The following DNAH17 variants were observed in gnomAD, a reference collection of about 807,000 sequenced individuals.
DNAH17 encodes the protein dynein axonemal heavy chain 17.
DNAH17 carries 376 observed loss-of-function variants against 485.6 expected under a neutral mutation model. The observed-to-expected ratio is 0.77, with a 90% CI of 0.71 to 0.84. The LOEUF (loss-of-function observed/expected upper bound fraction) is 0.84, where lower values mean the gene tolerates loss of function less well. Among genes scored for constraint, DNAH17 ranks in the 40% least tolerant of loss-of-function variants. DNAH17 has a pLI of 0.00. For missense variants in DNAH17, 6,370 were observed against 5,839.3 expected, an observed-to-expected ratio of 1.09 and a Z score of -2.96; for synonymous variants, 3,031 against 2,405.9, an observed-to-expected ratio of 1.26 and a Z score of -7.60.
chr17:78,547,542 A>G (rs2091795649), intron 16 of DNAH17, among the ~76,000 whole-genome samples: 1 of 152,046 alleles, frequency 6.6e-6, no homozygotes, highest in South Asian at 2.1e-4. Flanking sequence ...TTTGACCACC[A>G]CACTCAGGCC....
At chr17:78,571,533 G>A (rs759601790) in intron 4 of DNAH17, 57 bp downstream of exon 4, 76 of 1,596,766 alleles carry the variant, frequency 4.8e-5, no homozygotes, top group South Asian at 3.3e-4. Flanking sequence ...CGGAGAGCTC[G>A]GCCCGGTCGC....
chr17:78,496,137 G>A (rs1338491456), intron 37 of DNAH17, 105 bp from the exon 38 acceptor site: 16 of 1,286,048 alleles, frequency 1.2e-5, no homozygotes, highest in African/African-American at 6.0e-5. Flanking sequence ...ATTTGCGCCT[G>A]CAAATTCAAA....
At chr17:78,553,203 T>C (rs1367264367) in intron 14 of DNAH17, among the ~76,000 whole-genome samples, 1 of 150,650 alleles carries the variant, frequency 6.6e-6, no homozygotes, top group Non-Finnish European at 1.5e-5. Context: ...CAGAAACCAC[T>C]ATGCTTCCTG....
intron 22 of DNAH17, among the ~76,000 whole-genome samples, chr17:78,527,246 G>A (rs916854684): frequency 2.0e-5 from 3 of 151,992 alleles, no homozygotes. Flanking sequence ...TTTTAGCTGG[G>A]CGTGATGATA....
intron 50 of DNAH17, 124 bp from the exon 51 acceptor site, chr17:78,479,240 G>T: frequency 9.3e-7 from 1 of 1,078,168 alleles, no homozygotes; most frequent in South Asian, 1.6e-5. Flanking sequence ...AATCTGCACA[G>T]CTCTTTGAAG....
chr17:78,484,739 A>ACCCCCCTTCCCCCCC, intron 48 of DNAH17, 129 bp downstream of exon 48: 2 of 347,798 alleles, frequency 5.8e-6, no homozygotes, highest in South Asian at 4.2e-5. Flanking sequence ...ACGTTGCAGC[A>ACCCCCCTTCCCCCCC]CCCCCCCCAC....
intron 20 of DNAH17, 99 bp downstream of exon 20, chr17:78,532,383 C>A (rs1178375047): frequency 1.4e-6 from 2 of 1,443,114 alleles, no homozygotes; most frequent in East Asian, 2.4e-5. Context: ...TGGAAACCTG[C>A]ATCTTAAAAC....
At chr17:78,524,935 C>T in intron 25 of DNAH17, 74 bp downstream of exon 25, 2 of 1,535,922 alleles carry the variant, frequency 1.3e-6, no homozygotes, top group Middle Eastern at 1.8e-4. Context: ...GTGCCCAGAG[C>T]CTGCCCTCTT....
At chr17:78,551,475 TGCCCCAGGGCA>T (rs1317375803) in intron 16 of DNAH17, 49 bp downstream of exon 16, 12 of 1,517,050 alleles carry the variant, frequency 7.9e-6, no homozygotes, top group African/African-American at 6.9e-5. Context: ...TAGCCTGGTT[TGCCCCAGGGCA>T]GCCCCAGGCC....
At position 78,425,473 on chromosome 17, in the gene DNAH17, G is replaced by GGACT; in HGVS notation, c.13010_13013dup (p.Met4339ValfsTer56). 6.2e-7 allele frequency: 1 copy of GGACT among 1,613,988 alleles called. No homozygotes were observed. The highest frequency in any genetic ancestry group is 1.1e-5 in the South Asian group (1 of 91,090). ...GGGGCCACTCGTTCTTCCTGGCCAT[G>GGACT]GACTGCATGATGGCCGTGAGGAACG... On this transcript the variant is annotated frameshift_variant, in exon 80 of 81. Transcript: ENST00000389840. LOFTEE classifies it high-confidence loss of function.
At chr17:78,480,997 G>T (rs188470686) in intron 48 of DNAH17, among the ~76,000 whole-genome samples, 1 of 151,928 alleles carries the variant, frequency 6.6e-6, no homozygotes, top group Non-Finnish European at 1.5e-5. Flanking sequence ...GGGTTTCGCC[G>T]TGTTAGCCAG....
Position 78,501,219 on chromosome 17 carries a change from G to A in DNAH17, c.5448C>T (p.Asn1816=), listed in dbSNP as rs777507970. The A allele has an allele frequency of 1.3e-6, 2 of 1,598,664 alleles. No homozygotes were observed. The highest frequency in any genetic ancestry group is 1.7e-6 in the Non-Finnish European group (2 of 1,167,974). Residue 1816 remains asparagine (N), a synonymous_variant, in exon 35 of 81, where the codon AAC becomes AAT. Transcript: ENST00000389840. ...QIQYSYEYLG[N]TPRLVITPLT... ...GTGGGGTGATGACCAGCCGCGGCGT[G>A]TTGCCCAGATACTCATAGGAATACT... is the stretch of plus-strand genomic sequence containing the variant.
rs548944075 is a variant in DNAH17 at position 78,494,971 on chromosome 17, C to T, written c.6030G>A (p.Leu2010=). The T allele has an allele frequency of 3.7e-6, 6 of 1,612,862 alleles. No homozygotes were observed. In the African/African-American group the frequency reaches 6.7e-5, roughly 18 times the overall value. Residue 2010 remains leucine (L), a synonymous_variant, in exon 39 of 81, where the codon CTG becomes CTA. Coordinates refer to ENST00000389840, the MANE Select transcript of DNAH17 (RefSeq NM_173628.4). ...AGGACACACACACCTGCTTCGAGAG[C>T]AGCTCCTTGCACAAGGTGTACAGGG... is the stretch of plus-strand genomic sequence containing the variant. ...FITLYTLCKE[L]LSKQDHYDWG...
chr17:78,531,682 T>G (rs1346551486), intron 20 of DNAH17, among the ~76,000 whole-genome samples: 1 of 152,248 alleles, frequency 6.6e-6, no homozygotes, highest in Non-Finnish European at 1.5e-5. Flanking sequence ...TTATTCCTAC[T>G]TGTTCTTGGT....
chr17:78,570,401 G>A, intron 6 of DNAH17, 29 bp from the exon 7 acceptor site: 2 of 1,601,946 alleles, frequency 1.2e-6, no homozygotes, highest in Non-Finnish European at 1.7e-6. Flanking sequence ...AGGCACACTG[G>A]AGGGGACTGG....
intron 26 of DNAH17, among the ~76,000 whole-genome samples, chr17:78,511,310 G>A (rs1598617744): frequency 6.6e-6 from 1 of 152,178 alleles, no homozygotes; most frequent in African/African-American, 2.4e-5. Flanking sequence ...GTTTCACCAA[G>A]TCAGACAGGC....
chr17:78,541,432 G>A (rs987370305), intron 17 of DNAH17, among the ~76,000 whole-genome samples: 2 of 151,214 alleles, frequency 1.3e-5, no homozygotes, highest in African/African-American at 2.4e-5. Flanking sequence ...TGAATCTCTA[G>A]GATACTAAGT....
At chr17:78,544,695 G>A (rs1035972171) in intron 16 of DNAH17, among the ~76,000 whole-genome samples, 1 of 151,418 alleles carries the variant, frequency 6.6e-6, no homozygotes, top group Non-Finnish European at 1.5e-5. Flanking sequence ...CCAGCTACCA[G>A]GAGGCTGAGG....
At chr17:78,427,822 A>T (rs562869714) in intron 77 of DNAH17, among the ~76,000 whole-genome samples, 21 of 152,292 alleles carry the variant, frequency 1.4e-4, no homozygotes, top group Middle Eastern at 3.4e-3. Flanking sequence ...ATACAAAATT[A>T]GCCAGGTGTG....
Sources: allele counts gnomAD v4.1 joint callset (sites outside exome capture counted in the v4.1 genomes callset), GRCh38; gene constraint gnomAD v4.1.1; transcripts MANE v1.5; gene names NCBI Gene and HGNC (gene_info 2026-07-23, HGNC 2026-07-21).